NAV3: variants seen among roughly 807,000 people sequenced by gnomAD.
NAV3 encodes neuron navigator 3, also known as pore membrane and/or filament interacting like protein 1.
NAV3 carries 87 observed loss-of-function variants against 244.7 expected under a neutral mutation model. That is an observed-to-expected ratio of 0.36 (90% confidence interval 0.30 to 0.42). The LOEUF is 0.42. Ranked by LOEUF, NAV3 falls within the 20% of genes least tolerant of loss-of-function variation. The pLI is 1.00. For missense variants in NAV3, 2,663 were observed against 2,893.3 expected, an observed-to-expected ratio of 0.92 and a Z score of 1.83; for synonymous variants, 1,126 against 1,042.2, an observed-to-expected ratio of 1.08 and a Z score of -1.55.
At chr12:77,882,600 AC>A (rs1185313722) in intron 1 of NAV3, among the ~76,000 whole-genome samples, 4 of 152,182 alleles carry the variant, frequency 2.6e-5, no homozygotes, top group African/African-American at 9.7e-5. Context: ...TAAACTAAAG[AC>A]CTTCTGCACA....
intron 1 of NAV3, among the ~76,000 whole-genome samples, chr12:77,883,855 G>T (rs1231997536): frequency 6.6e-6 from 1 of 152,008 alleles, no homozygotes; most frequent in Non-Finnish European, 1.5e-5. Context: ...TGGAAGTCAG[G>T]TGTCCAGATG....
At chr12:77,814,608 A>C (rs905240910) in intron 2 of NAV3, among the ~76,000 whole-genome samples, 1 of 152,300 alleles carries the variant, frequency 6.6e-6, no homozygotes, top group Middle Eastern at 3.4e-3. Flanking sequence ...GGGACAGTGG[A>C]GAAGCAGCTT....
At chr12:78,107,948 G>T (rs1370804338) in intron 12 of NAV3, among the ~76,000 whole-genome samples, 1 of 152,002 alleles carries the variant, frequency 6.6e-6, no homozygotes, top group Admixed American at 6.6e-5. Flanking sequence ...CAATATAACA[G>T]GAAGCCTCAC....
chr12:77,926,479 CATAG>C (rs1325729218), intron 1 of NAV3, among the ~76,000 whole-genome samples: 1 of 141,304 alleles, frequency 7.1e-6, no homozygotes, highest in Non-Finnish European at 1.6e-5. Flanking sequence ...TACATACATA[CATAG>C]ATAGATACAT....
At chr12:78,199,204 C>T (rs758321121) in intron 36 of NAV3, 131 bp from the exon 37 acceptor site, 1 of 725,108 alleles carries the variant, frequency 1.4e-6, no homozygotes, top group Non-Finnish European at 2.2e-6. Context: ...AGGTGGCCAC[C>T]AATTGAAATG....
At chr12:77,963,817 G>T (rs1366947161) in intron 3 of NAV3, among the ~76,000 whole-genome samples, 3 of 151,728 alleles carry the variant, frequency 2.0e-5, no homozygotes, top group African/African-American at 4.8e-5. Context: ...ATTTGTTGTT[G>T]TTGTTCTCCT....
At chr12:78,010,044 G>A (rs1356548286) in intron 8 of NAV3, among the ~76,000 whole-genome samples, 1 of 152,040 alleles carries the variant, frequency 6.6e-6, no homozygotes, top group Non-Finnish European at 1.5e-5. Context: ...GCAAGACCCT[G>A]TTTCTACAAT....
chr12:77,864,717 C>T (rs1326145872), intron 1 of NAV3, among the ~76,000 whole-genome samples: 18 of 151,988 alleles, frequency 1.2e-4, no homozygotes, highest in Admixed American at 1.2e-3. Flanking sequence ...ATTTCCTCAT[C>T]ATAGGTACAT....
At chr12:77,669,893 C>T (rs1873886731) in intron 2 of NAV3, among the ~76,000 whole-genome samples, 1 of 151,916 alleles carries the variant, frequency 6.6e-6, no homozygotes, top group African/African-American at 2.4e-5. Context: ...GCAGAATATA[C>T]ATTCTATTCA....
chr12:78,199,640 C>A, intron 37 of NAV3, 109 bp downstream of exon 37: 1 of 747,210 alleles, frequency 1.3e-6, no homozygotes, highest in Non-Finnish European at 2.0e-6. Context: ...CTTATTCAAG[C>A]TTCCAAAGAT....
intron 2 of NAV3, among the ~76,000 whole-genome samples, chr12:77,643,954 T>C (rs1377976689): frequency 6.6e-6 from 1 of 152,144 alleles, no homozygotes; most frequent in Non-Finnish European, 1.5e-5. Context: ...GAAAAATATT[T>C]GAGCTTACTT....
chr12:78,080,667 G>A (rs553615674), intron 12 of NAV3, among the ~76,000 whole-genome samples: 1 of 152,246 alleles, frequency 6.6e-6, no homozygotes, highest in Non-Finnish European at 1.5e-5. Context: ...GTTTTTCTAA[G>A]ATATTGGACC....
intron 8 of NAV3, among the ~76,000 whole-genome samples, chr12:78,017,694 G>A (rs769261086): frequency 3.3e-5 from 5 of 152,120 alleles, no homozygotes; most frequent in African/African-American, 7.2e-5. Flanking sequence ...CTGTCAAAAT[G>A]TACTTTCTGA....
chr12:78,090,845 C>T (rs1953889105), intron 12 of NAV3, among the ~76,000 whole-genome samples: 1 of 151,830 alleles, frequency 6.6e-6, no homozygotes, highest in Non-Finnish European at 1.5e-5. Flanking sequence ...AATTCCGTAA[C>T]AGTCTTTTCA....
intron 2 of NAV3, among the ~76,000 whole-genome samples, chr12:77,792,917 A>G (rs1871246656): frequency 2.6e-5 from 4 of 152,188 alleles, no homozygotes; most frequent in African/African-American, 9.7e-5. Context: ...CTCAGTGGAC[A>G]TGTTACTATG....
At chr12:77,679,964 G>A (rs981879914) in intron 2 of NAV3, among the ~76,000 whole-genome samples, 7 of 152,106 alleles carry the variant, frequency 4.6e-5, no homozygotes, top group Admixed American at 3.3e-4. Flanking sequence ...GGAGGTACGC[G>A]TCATGTCCTT....
At chr12:77,903,796 A>G (rs1885610510) in intron 1 of NAV3, among the ~76,000 whole-genome samples, 2 of 152,216 alleles carry the variant, frequency 1.3e-5, no homozygotes, top group African/African-American at 4.8e-5. Context: ...ACAAATTTAC[A>G]AGAAAGAAAC....
At chr12:77,674,776 C>A (rs149543904) in intron 2 of NAV3, among the ~76,000 whole-genome samples, 1 of 152,280 alleles carries the variant, frequency 6.6e-6, no homozygotes, top group African/African-American at 2.4e-5. Flanking sequence ...TCATTGAATA[C>A]TTACTATATG....
chr12:77,924,538 C>T (rs1181331834), intron 1 of NAV3, among the ~76,000 whole-genome samples: 3 of 152,008 alleles, frequency 2.0e-5, no homozygotes, highest in African/African-American at 4.8e-5. Flanking sequence ...AGTGTATCCC[C>T]GCTTGGGTCA....
Sources: gnomAD v4.1 joint callset for allele counts (sites outside exome capture counted in the v4.1 genomes callset) on GRCh38, gnomAD v4.1.1 for gene constraint, MANE v1.5 for transcripts, NCBI Gene and HGNC (gene_info 2026-07-23, HGNC 2026-07-21) for gene names.